The following ECPAS variants were observed in gnomAD, a reference collection of about 807,000 sequenced individuals.
The protein encoded by ECPAS is Ecm29 proteasome adaptor and scaffold, also known as proteasome adapter and scaffold protein ECM29.
A neutral mutation model predicts 255.1 loss-of-function variants in ECPAS; 70 were observed. The observed-to-expected ratio is 0.27, with a 90% CI of 0.23 to 0.33. The LOEUF (loss-of-function observed/expected upper bound fraction) is 0.33. Among genes scored for constraint, ECPAS ranks in the 10% least tolerant of loss-of-function variants. The pLI is 1.00. For synonymous variants in ECPAS, 784 were observed against 775.0 expected, an observed-to-expected ratio of 1.01 and a Z score of -0.19; for missense variants, 1,817 against 2,206.4, an observed-to-expected ratio of 0.82 and a Z score of 3.54.
rs186614364 is a variant in ECPAS, at chr9:111,419,411, G to A, written c.1559+606C>T. ...TGACTGTAAGACATATAACAGATTT[G>A]AAAAGAGTTGTTTTAATATGTCCAC... On this transcript the variant is annotated intron_variant, in intron 16 of 49. Transcript: ENST00000684092. 2.6e-5 allele frequency among the ~76,000 whole-genome samples: 4 copies of A among 152,262 alleles called. 1 individual carries two copies. The highest frequency in any genetic ancestry group is 1.9e-4 in the East Asian group (1 of 5,194).
intron 2 of ECPAS, among the ~76,000 whole-genome samples, chr9:111,470,139 AC>A (rs2098285256): frequency 6.6e-6 from 1 of 151,834 alleles, no homozygotes; most frequent in African/African-American, 2.4e-5. Flanking sequence ...TTTGCTAGTA[AC>A]TCTGCCCACC....
At position 111,383,509 on chromosome 9, in the gene ECPAS, G is replaced by A. The variant is rs542644798; in HGVS notation, c.3682-177C>T. ...GGAGATTGAGTCCTAGGTCTGCCAAGAACTAAACAGAAAATTTGGTAATGC... is the reference window on the plus strand; with the variant it reads ...GGAGATTGAGTCCTAGGTCTGCCAAAAACTAAACAGAAAATTTGGTAATGC... On this transcript the variant is annotated intron_variant, in intron 34 of 49. Coordinates refer to ENST00000684092, the MANE Select transcript of ECPAS (RefSeq NM_001364929.1). 4.6e-5 allele frequency among the ~76,000 whole-genome samples: 7 copies of A among 152,274 alleles called. No homozygotes were observed. The East Asian group carries it at 1.3e-3, about 29-fold the overall frequency.
At chr9:111,463,427 A>AT (rs763321764) in intron 2 of ECPAS, among the ~76,000 whole-genome samples, 6 of 152,224 alleles carry the variant, frequency 3.9e-5, no homozygotes. Context: ...ACAGTCAAAC[A>AT]TTCTCTACAG....
intron 2 of ECPAS, among the ~76,000 whole-genome samples, chr9:111,465,719 C>T (rs1487575965): frequency 6.6e-6 from 1 of 151,818 alleles, no homozygotes; most frequent in East Asian, 1.9e-4. Flanking sequence ...AGTGAAAATA[C>T]ATTTTTTGAT....
chr9:111,465,409 G>A (rs1000158231), intron 2 of ECPAS, among the ~76,000 whole-genome samples: 5 of 151,816 alleles, frequency 3.3e-5, no homozygotes, highest in South Asian at 4.1e-4. Context: ...GCATGGTGGC[G>A]GGCGCCTGTA....
Position 111,422,025 on chromosome 9 carries a change from G to C in ECPAS, c.1351C>G (p.Leu451Val). 6.2e-7 allele frequency: 1 copy of C among 1,613,718 alleles called. No individual in the cohort carries two copies. Among genetic ancestry groups the C allele is most frequent in the Non-Finnish European group, 8.5e-7 (1 of 1,179,778 alleles). Residue 451 changes from leucine (L) to valine (V), a missense_variant, in exon 15 of 50, where the codon CTT becomes GTT. By Grantham distance (32) the Leu-to-Val change is conservative. This residue lies in a region of ECPAS where 573 missense variants were observed against 716.2 expected (regional missense o/e 0.80). Coordinates refer to ENST00000684092, the MANE Select transcript of ECPAS (RefSeq NM_001364929.1). ...ALCKEEPETRLAIQEALSMMV... is the reference protein window; with the variant it reads ...ALCKEEPETRVAIQEALSMMV... ...ATAGATAAAGCTTCTTGAATAGCAA[G>C]TCGAGTCTCAGGCTCTTCCTATAAA...
At position 111,416,314 on chromosome 9, in the gene ECPAS, G is replaced by T. The variant is rs200785736; in HGVS notation, c.1722C>A (p.Thr574=). Residue 574 remains threonine (T), a synonymous_variant, in exon 18 of 50, where the codon ACC becomes ACA. Transcript: ENST00000684092. ...HRMKTPVKYM[T]GTTVLPFNPA... ...GGTTAAATGGAAGGACAGTGGTCCC[G>T]GTCATGTACTTGACTGGAGTTTTCA... is the stretch of plus-strand genomic sequence containing the variant. 6.2e-7 allele frequency: 1 copy of T among 1,613,552 alleles called. No individual in the cohort carries two copies. The highest frequency in any genetic ancestry group is 8.5e-7 in the Non-Finnish European group (1 of 1,179,634).
At chr9:111,475,522 G>C (rs1340374866) in intron 1 of ECPAS, among the ~76,000 whole-genome samples, 1 of 152,176 alleles carries the variant, frequency 6.6e-6, no homozygotes, top group African/African-American at 2.4e-5. Context: ...ATCACTTGAG[G>C]TCAGGAGTTC....
intron 11 of ECPAS, 86 bp downstream of exon 11, chr9:111,425,657 G>T: frequency 1.0e-6 from 1 of 985,546 alleles, no homozygotes; most frequent in Non-Finnish European, 1.5e-6. Context: ...TTTCTTTCTA[G>T]GTAAGATGAG....
At chr9:111,420,167 A>G (rs1564532767) in intron 15 of ECPAS, 47 bp from the exon 16 acceptor site, 6 of 1,115,310 alleles carry the variant, frequency 5.4e-6, no homozygotes, top group Non-Finnish European at 5.2e-6. Flanking sequence ...CCGAAAAAGG[A>G]AAAAAAAAAT....
At chr9:111,407,432 A>AAAAAAAAAAAAAC (rs2098186587) in intron 24 of ECPAS, among the ~76,000 whole-genome samples, 1 of 142,746 alleles carries the variant, frequency 7.0e-6, no homozygotes, top group Non-Finnish European at 1.6e-5. Flanking sequence ...AAAAAAAAAA[A>AAAAAAAAAAAAAC]AAAAAACCTA....
chr9:111,368,993 A>G (rs765378678), intron 46 of ECPAS, 42 bp downstream of exon 46: 8 of 1,477,568 alleles, frequency 5.4e-6, no homozygotes, highest in Non-Finnish European at 6.3e-6. Flanking sequence ...TCATTAAGTA[A>G]CCTCTGGTTA....
At chr9:111,405,511 A>G (rs900991871) in intron 24 of ECPAS, among the ~76,000 whole-genome samples, 3 of 149,858 alleles carry the variant, frequency 2.0e-5, no homozygotes, top group Non-Finnish European at 2.9e-5. Flanking sequence ...AAGATCATAA[A>G]AGCACAGACA....
chr9:111,371,564 T>G (rs2098127345), intron 43 of ECPAS, 57 bp downstream of exon 43: 12 of 1,449,256 alleles, frequency 8.3e-6, no homozygotes, highest in African/African-American at 1.4e-5. Context: ...GTTACTATTA[T>G]GCAAAATGAA....
chr9:111,410,113 T>C lies in ECPAS; in HGVS notation c.2478A>G (p.Gly826=). Residue 826 remains glycine, a synonymous_variant, in exon 23 of 50, where the codon GGA becomes GGG. Coordinates refer to ENST00000684092, the MANE Select transcript of ECPAS (RefSeq NM_001364929.1). ...CAAGATGCAATTTGGTAAAGCCAGA[T>C]CCCTCACTGGGGATTGGAAGTGGAC... ...RNGPLPIPSE[G]SGFTKLHLVE... The C allele has an allele frequency of 6.2e-7, 1 of 1,607,286 alleles. No individual in the cohort carries two copies. The highest frequency in any genetic ancestry group is 8.5e-7 in the Non-Finnish European group (1 of 1,176,858).
chr9:111,436,506 T>C (rs1361567255), intron 7 of ECPAS, among the ~76,000 whole-genome samples: 1 of 152,220 alleles, frequency 6.6e-6, no homozygotes, highest in Non-Finnish European at 1.5e-5. Context: ...TGTGAAGTGC[T>C]GGGGCTCCTC....
chr9:111,470,705 G>A (rs550875293), intron 2 of ECPAS, among the ~76,000 whole-genome samples: 5 of 136,068 alleles, frequency 3.7e-5, no homozygotes, highest in Admixed American at 7.5e-5. Context: ...TTACCACCCC[G>A]CACCCACTTC....
rs376081786 is a variant in ECPAS, at chr9:111,371,827, A to G, written c.4531T>C (p.Ser1511Pro). 1.5e-5 allele frequency: 24 copies of G among 1,600,004 alleles called. No individual in the cohort carries two copies. The African/African-American group carries it at 2.2e-4, about 14-fold the overall frequency. ...TEVWQENVPG[S>P]FGGIRLYLQE... ...AGGTATAATCGAATGCCACCAAAGG[A>G]TCCTAGGAAAGCAAAATTAAAACAA... Residue 1511 changes from serine to proline, a missense_variant and splice_region_variant, in exon 43 of 50, where the codon TCC becomes CCC. Physicochemically the swap from Ser to Pro is moderately conservative, Grantham distance 74. Coordinates refer to ENST00000684092, the MANE Select transcript of ECPAS (RefSeq NM_001364929.1).
rs1228947946 is a variant in ECPAS at position 111,414,001 on chromosome 9, A to C, written c.1988-15T>G. 4 of 1,528,860 alleles carry C rather than the reference A, an allele frequency of 2.6e-6. No homozygotes were observed. The allele number at this position is 1,528,860 out of a possible 1,614,324, so 94.7% of individuals were successfully genotyped here. ...AACCGGCAAACCTAAATAAGAATTC[A>C]GAATCACCTTAAATTTCAAGAAAAG... On this transcript the variant is annotated splice_polypyrimidine_tract_variant and intron_variant, in intron 19 of 49. Transcript: ENST00000684092.
Sources: gnomAD v4.1 joint callset for allele counts (sites outside exome capture counted in the v4.1 genomes callset) on GRCh38, gnomAD v4.1.1 for gene constraint, gnomAD v4.1.1 regional missense constraint, MANE v1.5 for transcripts, NCBI Gene and HGNC (gene_info 2026-07-23, HGNC 2026-07-21) for gene names.